The following INTS8 variants were observed in gnomAD, a reference collection of about 807,000 sequenced individuals.
The protein encoded by INTS8 is integrator complex subunit 8.
A neutral mutation model predicts 138.9 loss-of-function variants in INTS8; 47 were observed. The observed-to-expected ratio is 0.34, with a 90% CI of 0.27 to 0.43. The LOEUF (loss-of-function observed/expected upper bound fraction) is 0.43, where lower values mean the gene tolerates loss of function less well. Ranked by LOEUF, INTS8 falls within the 20% of genes least tolerant of loss-of-function variation. INTS8 has a pLI of 1.00. For synonymous variants in INTS8, 392 were observed against 400.9 expected, an observed-to-expected ratio of 0.98 and a Z score of 0.27; for missense variants, 996 against 1,173.0, an observed-to-expected ratio of 0.85 and a Z score of 2.20.
At chr8:94,844,757 T>C (rs1173852211) in intron 10 of INTS8, among the ~76,000 whole-genome samples, 1 of 150,920 alleles carries the variant, frequency 6.6e-6, no homozygotes, top group Non-Finnish European at 1.5e-5. Context: ...TTTTTCTTTT[T>C]TTTTTTTTTT....
In INTS8 at chr8:94,867,394, C is replaced by T. The variant is rs1435130196; in HGVS notation, c.2414+57C>T. On this transcript the variant is annotated intron_variant, in intron 20 of 26. Coordinates refer to ENST00000523731, the MANE Select transcript of INTS8 (RefSeq NM_017864.4). ...TTGAGTTATGTATTTGGAAACCATT[C>T]TGACTAGTATAGATACCCTTAGATA... 5.4e-6 allele frequency: 7 copies of T among 1,302,946 alleles called. No individual in the cohort carries two copies. In the East Asian group the frequency reaches 1.6e-4, roughly 30 times the overall value. The allele number at this position is 1,302,946 out of a possible 1,614,324, so 80.7% of individuals were successfully genotyped here. A position where few individuals can be genotyped will look rare whatever the true frequency, so the allele number is the denominator to read the frequency against.
intron 8 of INTS8, among the ~76,000 whole-genome samples, chr8:94,838,858 C>G (rs1815032258): frequency 6.6e-6 from 1 of 152,134 alleles, no homozygotes; most frequent in Non-Finnish European, 1.5e-5. Context: ...TTCATCATTG[C>G]TGTTATCTTA....
chr8:94,862,623 A>AG (rs1816033452), intron 16 of INTS8, among the ~76,000 whole-genome samples: 1 of 152,154 alleles, frequency 6.6e-6, no homozygotes, highest in Non-Finnish European at 1.5e-5. Flanking sequence ...GTCCAAAAGG[A>AG]GGAAGGATGT....
intron 1 of INTS8, 99 bp from the exon 2 acceptor site, chr8:94,824,784 TCCCCCCCCCC>T: frequency 1.6e-5 from 1 of 60,920 alleles, no homozygotes; most frequent in South Asian, 6.0e-4. Context: ...AAACCCAAAC[TCCCCCCCCCC>T]CCACCCACCC....
At chr8:94,851,338 A>G (rs1815537437) in intron 12 of INTS8, among the ~76,000 whole-genome samples, 2 of 152,154 alleles carry the variant, frequency 1.3e-5, no homozygotes, top group African/African-American at 4.8e-5. Flanking sequence ...TTTAAAATGC[A>G]TTCATTTATT....
chr8:94,874,257 T>G (rs1170623672), intron 22 of INTS8, among the ~76,000 whole-genome samples: 2 of 152,120 alleles, frequency 1.3e-5, no homozygotes, highest in East Asian at 3.8e-4. Context: ...GTTTTTTTTT[T>G]TGATATGCAT....
intron 20 of INTS8, among the ~76,000 whole-genome samples, chr8:94,870,558 G>A (rs189690813): frequency 4.9e-4 from 75 of 152,252 alleles, no homozygotes; most frequent in South Asian, 2.7e-3. Flanking sequence ...TGAAGATTAC[G>A]TTTTTAAAAC....
intron 18 of INTS8, chr8:94,866,911 C>T: frequency 4.4e-6 from 2 of 454,246 alleles, no homozygotes; most frequent in South Asian, 9.3e-5. Flanking sequence ...GCACCATAAG[C>T]CAAACATTTA....
chr8:94,842,842 ACTCCCAAATCAAGC>A (rs1196435848), intron 10 of INTS8, among the ~76,000 whole-genome samples: 1 of 152,048 alleles, frequency 6.6e-6, no homozygotes, highest in Non-Finnish European at 1.5e-5. Flanking sequence ...TTTACTAAGA[ACTCCCAAATCAAGC>A]CTCTTGTCTG....
rs776037328 is a variant in INTS8, at chr8:94,866,186, T to A, written c.2290T>A (p.Leu764Ile). The A allele has an allele frequency of 7.5e-7, 1 of 1,334,530 alleles. No individual in the cohort carries two copies. Among genetic ancestry groups the A allele is most frequent in the Admixed American group, 1.9e-5 (1 of 53,874 alleles). The allele number at this position is 1,334,530 out of a possible 1,614,324, so 82.7% of individuals were successfully genotyped here. Residue 764 changes from leucine (L) to isoleucine (I), a missense_variant, in exon 18 of 27, where the codon TTA becomes ATA. Physicochemically the swap from Leu to Ile is conservative, Grantham distance 5. Transcript: ENST00000523731. ...TGAACTGCTTTCTTTTATCAAAAAA[T>A]TACGAGTAAGTTTTATTAAAAATTG... Reference protein sequence around the residue: ...RSELLSFIKKLREPLVLTIIL... With the variant: ...RSELLSFIKKIREPLVLTIIL...
chr8:94,860,579 C>T (rs1307624976), intron 16 of INTS8, among the ~76,000 whole-genome samples: 3 of 39,466 alleles, frequency 7.6e-5, no homozygotes, highest in Non-Finnish European at 1.4e-4. Flanking sequence ...AACTCTACCT[C>T]AAAAAAAAAA....
intron 10 of INTS8, among the ~76,000 whole-genome samples, chr8:94,843,411 C>CA (rs1282629758): frequency 6.6e-6 from 1 of 152,004 alleles, no homozygotes; most frequent in Admixed American, 6.6e-5. Flanking sequence ...ACTAAAAATA[C>CA]AAAAAATTAG....
At position 94,841,609 on chromosome 8, in the gene INTS8, T is replaced by C. The variant is rs763956957; in HGVS notation, c.1118+18T>C. ...CAACAGGGGTAAGTAAGTTGAAAAA[T>C]TACTTCTTGATTTTTGAATAAAACA... On this transcript the variant is annotated intron_variant, in intron 9 of 26. Coordinates refer to ENST00000523731, the MANE Select transcript of INTS8 (RefSeq NM_017864.4). 6 of 1,327,660 alleles carry C rather than the reference T, an allele frequency of 4.5e-6. No individual in the cohort carries two copies. Among genetic ancestry groups the C allele is most frequent in the Non-Finnish European group, 6.4e-6 (6 of 941,502 alleles). 82.2% of individuals were successfully genotyped at this position (1,327,660 alleles called of 1,614,324 possible).
chr8:94,856,668 C>A, intron 14 of INTS8, 109 bp from the exon 15 acceptor site: 1 of 868,238 alleles, frequency 1.2e-6, no homozygotes, highest in Non-Finnish European at 1.9e-6. Flanking sequence ...AGAAAAGCAA[C>A]GTTAACCATT....
rs117283170 is a variant in INTS8 at position 94,858,571 on chromosome 8, G to A, written c.1955-940G>A. Among the ~76,000 whole-genome samples the A allele has an allele frequency of 1.9e-3, 293 of 152,320 alleles. 3 individuals are homozygous for A. Among genetic ancestry groups the A allele is most frequent in the East Asian group, 0.017 (87 of 5,190 alleles). On this transcript the variant is annotated intron_variant, in intron 15 of 26. Coordinates refer to ENST00000523731, the MANE Select transcript of INTS8 (RefSeq NM_017864.4). ...CTAATGTTTGTTGAGTGCTAACTACGTGTCAGGCATTGTTCTAAGCTTCAG... is the reference window on the plus strand; with the variant it reads ...CTAATGTTTGTTGAGTGCTAACTACATGTCAGGCATTGTTCTAAGCTTCAG...
chr8:94,849,141 A>T (rs1467541676), intron 10 of INTS8, among the ~76,000 whole-genome samples: 1 of 152,042 alleles, frequency 6.6e-6, no homozygotes, highest in Non-Finnish European at 1.5e-5. Context: ...GACAGGAGCT[A>T]CTGATTTCTA....
intron 13 of INTS8, 66 bp downstream of exon 13, chr8:94,851,752 G>C: frequency 7.3e-7 from 1 of 1,375,968 alleles, no homozygotes; most frequent in Non-Finnish European, 9.9e-7. Flanking sequence ...TAATAGAAAA[G>C]CTGTTCCCTG....
At chr8:94,865,810 G>C in intron 17 of INTS8, 120 bp downstream of exon 17, 1 of 961,780 alleles carries the variant, frequency 1.0e-6, no homozygotes, top group Non-Finnish European at 1.6e-6. Flanking sequence ...ATATCATAAA[G>C]TTGGACAATC....
intron 10 of INTS8, among the ~76,000 whole-genome samples, chr8:94,848,636 T>A (rs1282447006): frequency 6.6e-6 from 1 of 152,218 alleles, no homozygotes; most frequent in Non-Finnish European, 1.5e-5. Context: ...GTAGCATGTA[T>A]CAGTACTTCA....
Sources: gnomAD v4.1 joint callset for allele counts (sites outside exome capture counted in the v4.1 genomes callset) on GRCh38, gnomAD v4.1.1 for gene constraint, MANE v1.5 for transcripts, NCBI Gene and HGNC (gene_info 2026-07-23, HGNC 2026-07-21) for gene names.